SLC14A2: variants seen among roughly 807,000 people sequenced by gnomAD.
The protein encoded by SLC14A2 is solute carrier family 14 member 2.
Under a neutral mutation model 104.6 loss-of-function variants are expected in SLC14A2, and 91 were observed. The observed-to-expected ratio is 0.87, with a 90% CI of 0.73 to 1.04. The LOEUF (loss-of-function observed/expected upper bound fraction) is 1.04, where lower values mean the gene tolerates loss of function less well. Among genes scored for constraint, SLC14A2 ranks in the 50% least tolerant of loss-of-function variants. The probability of loss-of-function intolerance (pLI) is 0.00; values close to 1 mark genes in which losing one functional copy is unlikely to be tolerated. For missense variants in SLC14A2, 1,189 were observed against 1,156.0 expected (o/e 1.03, Z -0.41); for synonymous variants, 476 against 466.4 (o/e 1.02, Z -0.27).
intron 1 of SLC14A2, among the ~76,000 whole-genome samples, chr18:45,399,600 T>C (rs888455426): frequency 6.6e-6 from 1 of 152,148 alleles, no homozygotes; most frequent in African/African-American, 2.4e-5. Context: ...CTGATTTTTT[T>C]CCCTTTTATT....
At chr18:45,343,262 T>A (rs940011332) in intron 1 of SLC14A2, among the ~76,000 whole-genome samples, 2 of 151,998 alleles carry the variant, frequency 1.3e-5, no homozygotes, top group African/African-American at 4.8e-5. Context: ...TCTGAGACTC[T>A]GCATCTGAAA....
At chr18:45,278,054 A>G (rs781214666) in intron 1 of SLC14A2, among the ~76,000 whole-genome samples, 18 of 152,180 alleles carry the variant, frequency 1.2e-4, no homozygotes, top group Non-Finnish European at 2.1e-4. Context: ...GGCGTTCCCC[A>G]AACACTCCTA....
chr18:45,542,034 G>GTTTTTTTT (rs2043891131), intron 2 of SLC14A2, among the ~76,000 whole-genome samples: 1 of 62,534 alleles, frequency 1.6e-5, no homozygotes. Context: ...AAAGAGAGAG[G>GTTTTTTTT]GTTTTTTTTT....
intron 1 of SLC14A2, among the ~76,000 whole-genome samples, chr18:45,270,922 G>A (rs1420925651): frequency 1.3e-5 from 2 of 152,160 alleles, no homozygotes; most frequent in Non-Finnish European, 2.9e-5. Flanking sequence ...AAAAAAGTGA[G>A]AAAGCCTGAA....
chr18:45,211,739 G>A (rs1810702772), upstream of SLC14A2, among the ~76,000 whole-genome samples: 1 of 152,090 alleles, frequency 6.6e-6, no homozygotes. Context: ...TCTTTAGTCT[G>A]TCAAAACACA....
intron 1 of SLC14A2, among the ~76,000 whole-genome samples, chr18:45,340,256 A>G (rs80251944): frequency 0.018 from 2,764 of 152,264 alleles, 83 homozygotes; most frequent in African/African-American, 0.063. Context: ...CTCTCTTACC[A>G]TTTTGCTTAT....
chr18:45,396,541 T>G (rs972622781), intron 1 of SLC14A2, among the ~76,000 whole-genome samples: 8 of 152,128 alleles, frequency 5.3e-5, no homozygotes, highest in Admixed American at 5.2e-4. Context: ...TTTGGGGGGT[T>G]TTCCATTTAT....
At chr18:45,223,715 GGACT>G (rs1878502449) in intron 1 of SLC14A2, among the ~76,000 whole-genome samples, 1 of 152,134 alleles carries the variant, frequency 6.6e-6, no homozygotes, top group Non-Finnish European at 1.5e-5. Context: ...GCTCCCTTAA[GGACT>G]CTAAGACTCA....
chr18:45,280,198 T>C (rs2084747566), intron 1 of SLC14A2, among the ~76,000 whole-genome samples: 1 of 152,150 alleles, frequency 6.6e-6, no homozygotes, highest in Non-Finnish European at 1.5e-5. Context: ...GAAAGGAACC[T>C]TCCTGACCTC....
the SLC14A2 span, among the ~76,000 whole-genome samples, chr18:45,186,763 A>G: frequency 0.36 from 55,036 of 151,864 alleles, 11,051 homozygotes; most frequent in Non-Finnish European, 0.47. Context: ...AGGTGGTTGC[A>G]ATGAATTGTT....
intron 11 of SLC14A2, among the ~76,000 whole-genome samples, chr18:45,664,930 G>C (rs1208908625): frequency 6.6e-6 from 1 of 152,174 alleles, no homozygotes; most frequent in Non-Finnish European, 1.5e-5. Flanking sequence ...GATAGGGGCT[G>C]TGGTTGGGGA....
At chr18:45,546,910 G>A (rs921962816) in intron 2 of SLC14A2, among the ~76,000 whole-genome samples, 8 of 152,052 alleles carry the variant, frequency 5.3e-5, no homozygotes, top group East Asian at 1.9e-4. Flanking sequence ...TTTTCATTCC[G>A]TCCTATGGGC....
At chr18:45,279,168 C>T (rs1208584834) in intron 1 of SLC14A2, among the ~76,000 whole-genome samples, 3 of 152,100 alleles carry the variant, frequency 2.0e-5, no homozygotes, top group Non-Finnish European at 2.9e-5. Flanking sequence ...AGGTTCTATG[C>T]GTGATGTCAA....
intron 1 of SLC14A2, among the ~76,000 whole-genome samples, chr18:45,416,218 G>A (rs150759838): frequency 6.7e-6 from 1 of 148,978 alleles, no homozygotes; most frequent in Non-Finnish European, 1.5e-5. Flanking sequence ...TAAACCACTT[G>A]AGTTGGCTTT....
intron 1 of SLC14A2, among the ~76,000 whole-genome samples, chr18:45,448,172 T>C (rs1186632967): frequency 2.6e-5 from 4 of 152,222 alleles, no homozygotes; most frequent in Non-Finnish European, 4.4e-5. Flanking sequence ...TGTTGATTTG[T>C]ATATGTTGAT....
At chr18:45,511,872 C>T (rs2043370195) in intron 2 of SLC14A2, among the ~76,000 whole-genome samples, 1 of 152,170 alleles carries the variant, frequency 6.6e-6, no homozygotes, top group African/African-American at 2.4e-5. Flanking sequence ...CCTCCATCTG[C>T]ACACCAGGGA....
In SLC14A2 at chr18:45,517,384, C is replaced by T. The variant is rs557601021; in HGVS notation, c.-35+34062C>T. 7.9e-5 allele frequency among the ~76,000 whole-genome samples: 12 copies of T among 152,316 alleles called. No homozygotes were observed. The East Asian group carries it at 2.3e-3, about 29-fold the overall frequency. ...AGCCAGGCTGACCTCAGCCTCCCCC[C>T]TCCCAATAGATAATTACGCCTCTAG... On this transcript the variant is annotated intron_variant, in intron 2 of 20. Coordinates refer to the SLC14A2 transcript ENST00000586448.
chr18:45,459,210 A>C (rs1457187139), intron 1 of SLC14A2, among the ~76,000 whole-genome samples: 2 of 152,166 alleles, frequency 1.3e-5, no homozygotes, highest in Non-Finnish European at 2.9e-5. Context: ...TCCCCTTTCC[A>C]AGCGCTAAGC....
chr18:45,357,594 TAAG>T (rs2085568376), intron 1 of SLC14A2, among the ~76,000 whole-genome samples: 1 of 151,562 alleles, frequency 6.6e-6, no homozygotes, highest in Admixed American at 6.6e-5. Context: ...AATAAAGAAA[TAAG>T]AAGAAGGAAG....
Sources: allele counts gnomAD v4.1 joint callset (sites outside exome capture counted in the v4.1 genomes callset), GRCh38; gene constraint gnomAD v4.1.1; transcripts MANE v1.5; gene names NCBI Gene and HGNC (gene_info 2026-07-23, HGNC 2026-07-21).